AURKA: variants seen among roughly 807,000 people sequenced by gnomAD.
AURKA encodes aurora 2.
A neutral mutation model predicts 40.9 loss-of-function variants in AURKA; 12 were observed. The ratio of observed to expected loss-of-function variants is 0.29; its 90% CI spans 0.19 to 0.48. The LOEUF (loss-of-function observed/expected upper bound fraction) is 0.48, where lower values mean the gene tolerates loss of function less well. Among genes scored for constraint, AURKA ranks in the 20% least tolerant of loss-of-function variants. AURKA has a pLI of 0.99. For synonymous variants in AURKA, 170 were observed against 164.3 expected (o/e 1.03, Z -0.26); for missense variants, 322 against 462.1 (o/e 0.70, Z 2.78).
chr20:56,385,706 C>G (rs1986272660), intron 3 of AURKA, among the ~76,000 whole-genome samples: 1 of 152,186 alleles, frequency 6.6e-6, no homozygotes, highest in South Asian at 2.1e-4. Flanking sequence ...GGTGATCCAC[C>G]TGCCTCGGTC....
chr20:56,392,154 C>G lies in AURKA; in HGVS notation c.-6+14G>C, dbSNP rs1294256683. On this transcript the variant is annotated intron_variant, in intron 1 of 8. Transcript: ENST00000395915. Reference sequence around the variant, plus strand: ...GAGATATCCCCCACGGTCTACCCACCCGTCGGCTCCCACCTGCGACCCAAG... The same window carrying G: ...GAGATATCCCCCACGGTCTACCCACGCGTCGGCTCCCACCTGCGACCCAAG... The G allele has an allele frequency of 6.6e-6, 1 of 152,340 alleles. No homozygotes were observed. The highest frequency in any genetic ancestry group is 1.5e-5 in the Non-Finnish European group (1 of 68,142). 9.4% of individuals were successfully genotyped at this position (152,340 alleles called of 1,614,324 possible).
intron 4 of AURKA, among the ~76,000 whole-genome samples, chr20:56,383,754 C>A (rs1026111857): frequency 1.3e-5 from 2 of 152,170 alleles, no homozygotes; most frequent in Non-Finnish European, 2.9e-5. Flanking sequence ...GGGTTCATTC[C>A]TCGCTCCTCC....
intron 1 of AURKA, among the ~76,000 whole-genome samples, chr20:56,389,266 C>G (rs6014714): frequency 6.6e-6 from 1 of 152,170 alleles, no homozygotes; most frequent in Admixed American, 6.5e-5. Flanking sequence ...CACCCAGTGC[C>G]TCAGCTCTAA....
At chr20:56,370,394 T>G in intron 8 of AURKA, 54 bp from the exon 9 acceptor site, 6 of 1,613,438 alleles carry the variant, frequency 3.7e-6, no homozygotes, top group Non-Finnish European at 5.1e-6. Context: ...AGAGATCAAA[T>G]AGTATAGATG....
chr20:56,387,431 C>T (rs983813095), intron 2 of AURKA, among the ~76,000 whole-genome samples: 2 of 152,196 alleles, frequency 1.3e-5, no homozygotes, highest in Admixed American at 6.5e-5. Flanking sequence ...GGATTACAGG[C>T]GTGAGCCACC....
At position 56,384,251 on chromosome 20, in the gene AURKA, T is replaced by G; in HGVS notation, c.374+19A>C. 1 of 1,583,830 alleles carries G rather than the reference T, an allele frequency of 6.3e-7. No homozygotes were observed. The highest frequency in any genetic ancestry group is 8.7e-7 in the Non-Finnish European group (1 of 1,154,430). ...ATTCTAGTAGAACAGTACAGAACTT[T>G]GTAAATAAGAAAGCTTACTTTTTTG... On this transcript the variant is annotated intron_variant, in intron 4 of 8. Transcript: ENST00000395915.
intron 6 of AURKA, among the ~76,000 whole-genome samples, chr20:56,374,706 GATTACAGACATGAGCCA>G (rs1365581788): frequency 1.3e-5 from 2 of 151,872 alleles, no homozygotes; most frequent in Non-Finnish European, 2.9e-5. Flanking sequence ...AACGTGCTAG[GATTACAGACATGAGCCA>G]CTGCACCCGA....
At chr20:56,375,467 A>G (rs1984817839) in intron 6 of AURKA, among the ~76,000 whole-genome samples, 1 of 152,050 alleles carries the variant, frequency 6.6e-6, no homozygotes, top group Admixed American at 6.6e-5. Context: ...TAACATACAG[A>G]TAACTGTTTG....
rs1014944460 is a variant in AURKA at position 56,373,760 on chromosome 20, G to T, written c.706-204C>A. Among the ~76,000 whole-genome samples, 1 of 152,086 alleles carries T rather than the reference G, an allele frequency of 6.6e-6. No individual in the cohort carries two copies. Among genetic ancestry groups the T allele is most frequent in the African/African-American group, 2.4e-5 (1 of 41,400 alleles). ...GAGCCCAGGGGTTCAAGACCAGCCT[G>T]GGAAACATAGCAAGACTCCATCTCT... On this transcript the variant is annotated intron_variant, in intron 6 of 8. Coordinates refer to ENST00000395915, the MANE Select transcript of AURKA (RefSeq NM_198437.3). This position sits in a 1 kb window ranked among gnomAD's most constrained non-coding sequence, Gnocchi z 5.0.
Position 56,383,176 on chromosome 20 carries a change from C to G in AURKA, c.375G>C (p.Lys125Asn). Reference protein sequence around the residue: ...ASKQKNEESKKRQWALEDFEI... With the variant: ...ASKQKNEESKNRQWALEDFEI... ...CAAAGTCTTCCAAAGCCCACTGCCTCCTAGGAGGAATTTGAACACTTTAGA... is the reference window on the plus strand; with the variant it reads ...CAAAGTCTTCCAAAGCCCACTGCCTGCTAGGAGGAATTTGAACACTTTAGA... The change falls in exon 5 of 9, where the codon AAG (lysine) becomes AAC (asparagine). Residue 125 changes from lysine (K) to asparagine (N), a missense_variant and splice_region_variant. Physicochemically the swap from Lys to Asn is moderately conservative, Grantham distance 94. Transcript: ENST00000395915. The G allele has an allele frequency of 6.2e-7, 1 of 1,614,070 alleles. No homozygotes were observed. Among genetic ancestry groups the G allele is most frequent in the Non-Finnish European group, 8.5e-7 (1 of 1,179,988 alleles).
chr20:56,385,725 C>T (rs141648752), intron 3 of AURKA, among the ~76,000 whole-genome samples: 101 of 151,982 alleles, frequency 6.6e-4, no homozygotes, highest in African/African-American at 2.1e-3. Flanking sequence ...TCTCCCAAAG[C>T]GCTGGGATTA....
At position 56,373,801 on chromosome 20, in the gene AURKA, T is replaced by G. The variant is rs1365423633; in HGVS notation, c.706-245A>C. Reference sequence around the variant, plus strand: ...CTCCATCTCTACAAAAATTTAAAAATTAGCTGAGCGTGATGGTGCATGCCT... The same window carrying G: ...CTCCATCTCTACAAAAATTTAAAAAGTAGCTGAGCGTGATGGTGCATGCCT... On this transcript the variant is annotated intron_variant, in intron 6 of 8. Coordinates refer to ENST00000395915, the MANE Select transcript of AURKA (RefSeq NM_198437.3). This position sits in a 1 kb window ranked among gnomAD's most constrained non-coding sequence, Gnocchi z 5.0. Among the ~76,000 whole-genome samples, 1 of 151,996 alleles carries G rather than the reference T, an allele frequency of 6.6e-6. No homozygotes were observed. The highest frequency in any genetic ancestry group is 1.5e-5 in the Non-Finnish European group (1 of 68,006).
intron 6 of AURKA, among the ~76,000 whole-genome samples, chr20:56,379,167 A>G (rs541682940): frequency 2.0e-5 from 3 of 152,350 alleles, no homozygotes; most frequent in Admixed American, 1.3e-4. Flanking sequence ...AAATGAGTGG[A>G]ATCTATAAGA....
At chr20:56,371,165 C>CA (rs1331459059) in intron 7 of AURKA, among the ~76,000 whole-genome samples, 1 of 152,056 alleles carries the variant, frequency 6.6e-6, no homozygotes, top group East Asian at 1.9e-4. Context: ...GTACTCTTGC[C>CA]AAAAATATTT....
chr20:56,372,000 C>T (rs1984299518), intron 7 of AURKA, among the ~76,000 whole-genome samples: 1 of 152,198 alleles, frequency 6.6e-6, no homozygotes, highest in African/African-American at 2.4e-5. Context: ...ACTGTATAGA[C>T]AGGTATGCCA....
chr20:56,383,269 C>T, intron 4 of AURKA, 93 bp from the exon 5 acceptor site: 2 of 1,352,256 alleles, frequency 1.5e-6, no homozygotes, highest in Non-Finnish European at 1.0e-6. Flanking sequence ...CAAATAATTT[C>T]GTATTCCAAC....
At chr20:56,384,348 T>G in intron 3 of AURKA, 24 bp from the exon 4 acceptor site, 2 of 1,541,306 alleles carry the variant, frequency 1.3e-6, no homozygotes, top group Non-Finnish European at 1.8e-6. Context: ...GTTAAAAACC[T>G]GTTTTTAGAA....
Position 56,373,662 on chromosome 20 carries a change from A to G in AURKA, c.706-106T>C, listed in dbSNP as rs1005725799. The G allele has an allele frequency of 8.5e-6, 12 of 1,413,464 alleles. No individual in the cohort carries two copies. Among genetic ancestry groups the G allele is most frequent in the South Asian group, 6.1e-5 (5 of 82,436 alleles). 87.6% of individuals were successfully genotyped at this position (1,413,464 alleles called of 1,614,324 possible). On this transcript the variant is annotated intron_variant, in intron 6 of 8. Coordinates refer to ENST00000395915, the MANE Select transcript of AURKA (RefSeq NM_198437.3). This position sits in a 1 kb window ranked among gnomAD's most constrained non-coding sequence, Gnocchi z 5.0. ...ACAACATAGATTTAACATGGTTTGC[A>G]GGTTTTGGCCAGGCACAGTGGCTCA...
chr20:56,388,438 G>T, intron 1 of AURKA: 1 of 570,084 alleles, frequency 1.8e-6, no homozygotes, highest in East Asian at 2.9e-5. Context: ...ACTCCTGATG[G>T]TCTTGCTGCT....
Sources: gnomAD v4.1 joint callset for allele counts (sites outside exome capture counted in the v4.1 genomes callset) on GRCh38, gnomAD v4.1.1 for gene constraint, Gnocchi (gnomAD v3.1) non-coding constraint, MANE v1.5 for transcripts, NCBI Gene and HGNC (gene_info 2026-07-23, HGNC 2026-07-21) for gene names.